The following AHNAK variants were observed in gnomAD, a reference collection of about 807,000 sequenced individuals.
AHNAK encodes neuroblast differentiation-associated protein AHNAK.
In AHNAK, 23 loss-of-function variants were observed where a neutral mutation model predicts 37.8. The ratio of observed to expected loss-of-function variants is 0.61; its 90% CI spans 0.44 to 0.86. The LOEUF (loss-of-function observed/expected upper bound fraction) is 0.86. Ranked by LOEUF, AHNAK falls within the 40% of genes least tolerant of loss-of-function variation. The probability of loss-of-function intolerance (pLI) is 0.00; values close to 1 mark genes in which losing one functional copy is unlikely to be tolerated. For missense variants in AHNAK, 7,411 were observed against 7,319.4 expected (o/e 1.01, Z -0.46); for synonymous variants, 2,481 against 2,636.3 (o/e 0.94, Z 1.80).
chr11:62,522,665 C>T lies in AHNAK; in HGVS notation c.11752G>A (p.Ala3918Thr). 1 of 1,612,998 alleles carries T rather than the reference C, an allele frequency of 6.2e-7. No homozygotes were observed. Among genetic ancestry groups the T allele is most frequent in the Non-Finnish European group, 8.5e-7 (1 of 1,179,782 alleles). The change falls in exon 5 of 5, where the codon GCC becomes ACC. Residue 3918 changes from alanine to threonine, a missense_variant. Transcript: ENST00000378024. ...GGGCCTCGAACATCCACATCTGGGG[C>T]ATTAATATCCACTTTGGGGCCTTTA... ...DIKGPKVDIN[A>T]PDVDVRGPDW...
chr11:62,487,589 C>G (rs1314656972), intron 5 of AHNAK, among the ~76,000 whole-genome samples: 2 of 152,188 alleles, frequency 1.3e-5, no homozygotes, highest in Non-Finnish European at 2.9e-5. Flanking sequence ...CTCCCCCTCC[C>G]GGGTTCAAGC....
chr11:62,513,319 G>A (rs1465190114), downstream of AHNAK, among the ~76,000 whole-genome samples: 3 of 152,164 alleles, frequency 2.0e-5, no homozygotes, highest in East Asian at 1.9e-4. Flanking sequence ...GGCAGATCAC[G>A]AGGTCAGGAG....
intron 4 of AHNAK, among the ~76,000 whole-genome samples, chr11:62,499,004 A>G (rs1939664446): frequency 6.6e-6 from 1 of 152,146 alleles, no homozygotes; most frequent in African/African-American, 2.4e-5. Flanking sequence ...CCCTGCCTTC[A>G]TGGAGCCTAT....
rs1302219978 is a variant in AHNAK, at chr11:62,522,512, C to G, written c.11905G>C (p.Asp3969His). Residue 3969 changes from aspartate (D) to histidine (H), a missense_variant, in exon 5 of 5, where the codon GAC becomes CAC. By Grantham distance (81) the Asp-to-His change is moderately conservative. Coordinates refer to ENST00000378024, the MANE Select transcript of AHNAK (RefSeq NM_001620.3). ...ATATTCACATCTGGAACATCAACGT[C>G]CACCTTGGGTCCTGAGACGTCAAGG... ...ADLDVSGPKV[D>H]VDVPDVNIEG... 1 of 1,613,782 alleles carries G rather than the reference C, an allele frequency of 6.2e-7. No individual in the cohort carries two copies. The highest frequency in any genetic ancestry group is 8.5e-7 in the Non-Finnish European group (1 of 1,179,990).
rs370962029 is a variant in AHNAK, at chr11:62,521,486, C to T, written c.12931G>A (p.Asp4311Asn). The T allele has an allele frequency of 5.0e-6, 8 of 1,612,574 alleles. No homozygotes were observed. The highest frequency in any genetic ancestry group is 5.9e-6 in the Non-Finnish European group (7 of 1,179,732). ...DAPDVDVHGP[D>N]WHLKMPKVKM... ...ACCTTGGGCATCTTCAGGTGCCAGT[C>T]TGGGCCATGAACATCTACATCAGGG... Residue 4311 changes from aspartate to asparagine, a missense_variant, in exon 5 of 5, where the codon GAC (aspartate) becomes AAC (asparagine). By Grantham distance (23) the Asp-to-Asn change is conservative. Coordinates refer to ENST00000378024, the MANE Select transcript of AHNAK (RefSeq NM_001620.3).
chr11:62,537,787 A>C (rs1940998890), intron 1 of AHNAK, among the ~76,000 whole-genome samples: 1 of 151,790 alleles, frequency 6.6e-6, no homozygotes, highest in African/African-American at 2.4e-5. Context: ...GGTTCAAGCA[A>C]TTCTCCTGCC....
At chr11:62,456,094 C>A (rs530562726) in intron 5 of AHNAK, among the ~76,000 whole-genome samples, 1 of 152,076 alleles carries the variant, frequency 6.6e-6, no homozygotes, top group Non-Finnish European at 1.5e-5. Flanking sequence ...GGTACACAAG[C>A]ACAGAGGCAA....
intron 4 of AHNAK, among the ~76,000 whole-genome samples, chr11:62,502,913 A>G (rs552512476): frequency 1.3e-5 from 2 of 152,310 alleles, no homozygotes; most frequent in East Asian, 1.9e-4. Context: ...AGCAGAGACC[A>G]CCAAGTGCTC....
chr11:62,529,681 A>G lies in AHNAK; in HGVS notation c.4736T>C (p.Ile1579Thr). Residue 1579 changes from isoleucine to threonine, a missense_variant, in exon 5 of 5, where the codon ATC (isoleucine) becomes ACC (threonine). Ile to Thr is a moderately conservative substitution (Grantham distance 89). Transcript: ENST00000378024. Reference protein sequence around the residue: ...MPSMNIQTHKISMPDVGLNLK... With the variant: ...MPSMNIQTHKTSMPDVGLNLK... ...ATTAAGTCCAACATCAGGCATAGAG[A>G]TTTTGTGCGTCTGTATATTCATGCT... 1 of 1,613,946 alleles carries G rather than the reference A, an allele frequency of 6.2e-7. No homozygotes were observed. Among genetic ancestry groups the G allele is most frequent in the South Asian group, 1.1e-5 (1 of 91,024 alleles).
At chr11:62,463,231 G>A (rs1218081453) in intron 5 of AHNAK, among the ~76,000 whole-genome samples, 1 of 151,834 alleles carries the variant, frequency 6.6e-6, no homozygotes, top group Non-Finnish European at 1.5e-5. Flanking sequence ...CATATTCCAG[G>A]ACAACAAGCA....
intron 5 of AHNAK, among the ~76,000 whole-genome samples, chr11:62,468,446 G>A (rs1453741668): frequency 6.6e-6 from 1 of 152,014 alleles, no homozygotes; most frequent in Non-Finnish European, 1.5e-5. Context: ...CATAATGTAT[G>A]GGCATGTGTG....
intron 1 of AHNAK, among the ~76,000 whole-genome samples, chr11:62,537,981 G>T (rs1247440785): frequency 6.6e-6 from 1 of 151,872 alleles, no homozygotes; most frequent in Non-Finnish European, 1.5e-5. Context: ...GCACCCGGCC[G>T]ACCGAGTCTG....
chr11:62,520,634 T>C lies in AHNAK; in HGVS notation c.13783A>G (p.Met4595Val), dbSNP rs143445018. The change falls in exon 5 of 5, where the codon ATG becomes GTG. Residue 4595 changes from methionine to valine, a missense_variant. Coordinates refer to ENST00000378024, the MANE Select transcript of AHNAK (RefSeq NM_001620.3). ...TTCAGATTCAGGTCAACTTCAGGCATAGAGATCTTCGGTGCCTTGAGGTGT... is the reference window on the plus strand; with the variant it reads ...TTCAGATTCAGGTCAACTTCAGGCACAGAGATCTTCGGTGCCTTGAGGTGT... Reference protein sequence around the residue: ...DLHLKAPKISMPEVDLNLKGP... With the variant: ...DLHLKAPKISVPEVDLNLKGP... 101 of 1,614,134 alleles carry C rather than the reference T, an allele frequency of 6.3e-5. No homozygotes were observed. In the African/African-American group the frequency reaches 1.0e-3, roughly 16 times the overall value.
At chr11:62,509,470 A>G (rs1939868477) in intron 4 of AHNAK, among the ~76,000 whole-genome samples, 1 of 151,930 alleles carries the variant, frequency 6.6e-6, no homozygotes, top group African/African-American at 2.4e-5. Flanking sequence ...GAATCACTTG[A>G]ACTCGGGAGG....
intron 1 of AHNAK, among the ~76,000 whole-genome samples, chr11:62,539,578 G>C (rs1279693028): frequency 6.6e-6 from 1 of 152,244 alleles, no homozygotes; most frequent in Non-Finnish European, 1.5e-5. Context: ...CTGCCCTGCA[G>C]ACAGGCAGTT....
Position 62,522,800 on chromosome 11 carries a change from T to C in AHNAK, c.11617A>G (p.Ile3873Val). 3 of 1,613,968 alleles carry C rather than the reference T, an allele frequency of 1.9e-6. No homozygotes were observed. The highest frequency in any genetic ancestry group is 2.5e-6 in the Non-Finnish European group (3 of 1,180,012). The change falls in exon 5 of 5, where the codon ATC becomes GTC. Residue 3873 changes from isoleucine to valine, a missense_variant. Ile to Val is a conservative substitution (Grantham distance 29). Transcript: ENST00000378024. Reference sequence around the variant, plus strand: ...TTAAGATCAATGTCAGGCATGGAGATCTTGGGGGCTTTGATGTTCATCTCA... The same window carrying C: ...TTAAGATCAATGTCAGGCATGGAGACCTTGGGGGCTTTGATGTTCATCTCA... ...MPEMNIKAPKISMPDIDLNLK... is the reference protein window; with the variant it reads ...MPEMNIKAPKVSMPDIDLNLK...
In AHNAK at chr11:62,517,925, T is replaced by TA; in HGVS notation, c.16491dup (p.Lys5498Ter). On this transcript the variant is annotated frameshift_variant, in exon 5 of 5. Coordinates refer to ENST00000378024, the MANE Select transcript of AHNAK (RefSeq NM_001620.3). LOFTEE classifies it high-confidence loss of function. ...AGGTTCACATCACATCCAGAGGACT[T>TA]AATTCCAGGCATCTGGAGGTTTCCT... 6.2e-7 allele frequency: 1 copy of TA among 1,614,202 alleles called. No homozygotes were observed.
chr11:62,441,565 G>A (rs369685991), intron 5 of AHNAK, among the ~76,000 whole-genome samples: 1 of 151,368 alleles, frequency 6.6e-6, no homozygotes, highest in Admixed American at 6.6e-5. Context: ...GCAGTGGCAC[G>A]ATCTTGGCTC....
At chr11:62,513,280 TA>T (rs1172148141), downstream of AHNAK, among the ~76,000 whole-genome samples, 8 of 152,344 alleles carry the variant, frequency 5.3e-5, no homozygotes, top group Admixed American at 2.6e-4. Flanking sequence ...CTCACGCCTG[TA>T]ATCCCAACAC....
Sources: gnomAD v4.1 joint callset for allele counts (sites outside exome capture counted in the v4.1 genomes callset) on GRCh38, gnomAD v4.1.1 for gene constraint, MANE v1.5 for transcripts, NCBI Gene and HGNC (gene_info 2026-07-23, HGNC 2026-07-21) for gene names.